Variants in DPP6 observed in about 807,000 individuals in gnomAD.
DPP6 encodes the protein dipeptidyl peptidase like 6, also known as A-type potassium channel modulatory protein DPP6.
Under a neutral mutation model 122.6 loss-of-function variants are expected in DPP6, and 69 were observed. The observed-to-expected ratio is 0.56, with a 90% CI of 0.46 to 0.69. The LOEUF (loss-of-function observed/expected upper bound fraction) is 0.69, where lower values mean the gene tolerates loss of function less well. Among genes scored for constraint, DPP6 ranks in the 30% least tolerant of loss-of-function variants. DPP6 has a pLI of 0.00. For missense variants in DPP6, 928 were observed against 1,116.9 expected (o/e 0.83, Z 2.41); for synonymous variants, 418 against 433.1 (o/e 0.97, Z 0.43).
chr7:153,821,438 TGTC>T, the DPP6 span, among the ~76,000 whole-genome samples: 1 of 124,320 alleles, frequency 8.0e-6, no homozygotes, highest in African/African-American at 3.0e-5. Context: ...TTATCTTTGT[TGTC>T]AGCTATATAA....
chr7:154,477,728 C>CAATTGGAA (rs1563732832), intron 3 of DPP6, among the ~76,000 whole-genome samples: 28 of 152,084 alleles, frequency 1.8e-4, no homozygotes, highest in African/African-American at 6.5e-4. Context: ...AGTTAATACA[C>CAATTGGAA]GCAATTGAGA....
chr7:154,586,285 A>G (rs1345619916), intron 5 of DPP6, among the ~76,000 whole-genome samples: 1 of 152,116 alleles, frequency 6.6e-6, no homozygotes, highest in Non-Finnish European at 1.5e-5. Flanking sequence ...CTTAAAAAAA[A>G]TTGTTCTGTT....
chr7:153,771,028 TGAG>T, the DPP6 span, among the ~76,000 whole-genome samples: 2 of 152,144 alleles, frequency 1.3e-5, no homozygotes, highest in Non-Finnish European at 2.9e-5. Context: ...GATAGAGATT[TGAG>T]GAGAAGAAAT....
At chr7:154,476,178 C>A (rs906604440) in intron 3 of DPP6, among the ~76,000 whole-genome samples, 1 of 152,150 alleles carries the variant, frequency 6.6e-6, no homozygotes, top group African/African-American at 2.4e-5. Flanking sequence ...TCATTTCTGA[C>A]CCTTAGATTA....
rs140187322 is a variant in DPP6, at chr7:154,820,168, C to T, written c.1666+13056C>T. On this transcript the variant is annotated intron_variant, in intron 16 of 25. Transcript: ENST00000377770. Reference sequence around the variant, plus strand: ...GTCCACAGCCTGGGCCCCACCTGGACGAGAGTATAGCCAACAGGGCACCAC... The same window carrying T: ...GTCCACAGCCTGGGCCCCACCTGGATGAGAGTATAGCCAACAGGGCACCAC... Among the ~76,000 whole-genome samples, 1,380 of 152,282 alleles carry T rather than the reference C, an allele frequency of 9.1e-3. 12 individuals carry two copies. The highest frequency in any genetic ancestry group is 0.014 in the Non-Finnish European group (965 of 68,026).
chr7:154,589,483 C>T (rs956405805), intron 5 of DPP6, among the ~76,000 whole-genome samples: 10 of 152,222 alleles, frequency 6.6e-5, no homozygotes, highest in African/African-American at 2.2e-4. Context: ...TCTGCTGAAT[C>T]TCATTCCACC....
intron 1 of DPP6, among the ~76,000 whole-genome samples, chr7:154,000,128 A>AT (rs146106234): frequency 0.14 from 21,582 of 152,144 alleles, 2,024 homozygotes; most frequent in African/African-American, 0.28. Flanking sequence ...GGGCATGATA[A>AT]TATTTTCTTT....
chr7:154,341,367 G>A (rs953853572), intron 1 of DPP6, among the ~76,000 whole-genome samples: 9 of 152,014 alleles, frequency 5.9e-5, no homozygotes, highest in Non-Finnish European at 1.2e-4. Context: ...TAGGACTCAG[G>A]GAAATACATA....
At chr7:154,217,856 C>T (rs1800090065) in intron 1 of DPP6, among the ~76,000 whole-genome samples, 1 of 152,124 alleles carries the variant, frequency 6.6e-6, no homozygotes, top group Non-Finnish European at 1.5e-5. Context: ...TTGGTTCCTC[C>T]ACGCTGCCCA....
intron 1 of DPP6, among the ~76,000 whole-genome samples, chr7:154,399,952 A>G (rs1815424182): frequency 6.6e-6 from 1 of 152,212 alleles, no homozygotes; most frequent in African/African-American, 2.4e-5. Flanking sequence ...GAGTTTGCCA[A>G]GGTCAAACAG....
At chr7:154,052,261 C>T (rs1344921454), upstream of DPP6, among the ~76,000 whole-genome samples, 3 of 152,004 alleles carry the variant, frequency 2.0e-5, no homozygotes, top group East Asian at 2.0e-4. This position sits in a 1 kb window ranked among gnomAD's most constrained non-coding sequence, Gnocchi z 4.8. Flanking sequence ...CCCGTGCCCT[C>T]TCCGGGCTGC....
rs75389399 is a variant in DPP6 at position 154,328,869 on chromosome 7, T to A, written c.244-117345T>A. Among the ~76,000 whole-genome samples the A allele has an allele frequency of 7.4e-4, 113 of 152,304 alleles. 1 individual carries two copies. In the East Asian group the frequency reaches 0.02, roughly 28 times the overall value. On this transcript the variant is annotated intron_variant, in intron 1 of 25. Transcript: ENST00000377770. ...AGAGCCAAAACCTTGGGAAGGGAAC[T>A]GTGTGGCTTCATGGACATGACCAGA...
chr7:154,183,312 G>A (rs1347225212), intron 1 of DPP6, among the ~76,000 whole-genome samples: 1 of 152,190 alleles, frequency 6.6e-6, no homozygotes, highest in East Asian at 1.9e-4. Context: ...CTGCTTCTAA[G>A]TGACAATCAG....
At chr7:154,575,573 T>C (rs1400350048) in intron 5 of DPP6, among the ~76,000 whole-genome samples, 1 of 96,688 alleles carries the variant, frequency 1.0e-5, no homozygotes, top group Non-Finnish European at 1.9e-5. Context: ...GTGTGGTATA[T>C]GTGTATGTGT....
At chr7:154,534,383 A>G (rs969706785) in intron 3 of DPP6, among the ~76,000 whole-genome samples, 7 of 152,216 alleles carry the variant, frequency 4.6e-5, no homozygotes, top group Non-Finnish European at 8.8e-5. Context: ...GGTCCTGGTT[A>G]GTGCAGTAAA....
chr7:154,508,690 T>A (rs927112381), intron 3 of DPP6, among the ~76,000 whole-genome samples: 2 of 152,148 alleles, frequency 1.3e-5, no homozygotes, highest in African/African-American at 4.8e-5. Flanking sequence ...AGTCCCCAAC[T>A]AACCTCAGAG....
At chr7:154,468,857 C>G (rs1822013312) in intron 2 of DPP6, among the ~76,000 whole-genome samples, 1 of 152,144 alleles carries the variant, frequency 6.6e-6, no homozygotes, top group African/African-American at 2.4e-5. Flanking sequence ...TAAGGAGAAG[C>G]TTTTAAGATA....
intron 1 of DPP6, among the ~76,000 whole-genome samples, chr7:154,385,169 C>T (rs989887650): frequency 3.3e-5 from 5 of 152,112 alleles, no homozygotes; most frequent in African/African-American, 1.2e-4. Flanking sequence ...CAGGGTTTCA[C>T]CGTGTTAGCC....
At chr7:154,583,409 CCTGGCTGCCCT>C (rs1418662723) in intron 5 of DPP6, among the ~76,000 whole-genome samples, 1 of 152,226 alleles carries the variant, frequency 6.6e-6, no homozygotes, top group Admixed American at 6.5e-5. Flanking sequence ...TTCCACAGGC[CCTGGCTGCCCT>C]CTGGCTGCCT....
Sources: allele counts gnomAD v4.1 joint callset (sites outside exome capture counted in the v4.1 genomes callset), GRCh38; gene constraint gnomAD v4.1.1; non-coding constraint Gnocchi (gnomAD v3.1); transcripts MANE v1.5; gene names NCBI Gene and HGNC (gene_info 2026-07-23, HGNC 2026-07-21).